The following ROBO2 variants were observed in gnomAD, a reference collection of about 807,000 sequenced individuals.
ROBO2 encodes the protein roundabout guidance receptor 2.
In ROBO2, 53 loss-of-function variants were observed where a neutral mutation model predicts 160.8. The ratio of observed to expected loss-of-function variants is 0.33; its 90% confidence interval spans 0.26 to 0.41. The LOEUF is 0.41. Among genes scored for constraint, ROBO2 ranks in the 10% least tolerant of loss-of-function variants. The pLI is 1.00. For synonymous variants in ROBO2, 664 were observed against 611.7 expected, an observed-to-expected ratio of 1.09 and a Z score of -1.26; for missense variants, 1,577 against 1,722.4, an observed-to-expected ratio of 0.92 and a Z score of 1.49.
intron 2 of ROBO2, among the ~76,000 whole-genome samples, chr3:76,126,018 G>A (rs1286930155): frequency 2.0e-5 from 3 of 151,952 alleles, no homozygotes; most frequent in Non-Finnish European, 4.4e-5. Flanking sequence ...GTAGAGACGA[G>A]GTTTCACCAT....
intron 2 of ROBO2, among the ~76,000 whole-genome samples, chr3:76,636,075 T>C (rs1356204884): frequency 1.3e-5 from 2 of 152,226 alleles, no homozygotes; most frequent in Non-Finnish European, 2.9e-5. Context: ...CATAAAATAA[T>C]AGTCACATGA....
chr3:77,016,841 G>C (rs1210741894), intron 2 of ROBO2, among the ~76,000 whole-genome samples: 3 of 152,150 alleles, frequency 2.0e-5, no homozygotes, highest in Non-Finnish European at 2.9e-5. Flanking sequence ...TATACAATAA[G>C]AGCAATTTTG....
chr3:76,098,110 ATG>A, intron 2 of ROBO2, among the ~76,000 whole-genome samples: 1 of 152,146 alleles, frequency 6.6e-6, no homozygotes, highest in Non-Finnish European at 1.5e-5. Context: ...CAGTGTCATC[ATG>A]TAGGTGTACG....
rs139436100 is a variant in ROBO2 at position 76,562,214 on chromosome 3, C to T, written c.110-535800C>T. 3.0e-3 allele frequency among the ~76,000 whole-genome samples: 459 copies of T among 151,628 alleles called. 3 individuals are homozygous for T. Among genetic ancestry groups the T allele is most frequent in the African/African-American group, 0.011 (451 of 41,338 alleles). ...TTAACTTCTCTGAGGCTTAGTTTCT[C>T]CATCTATAAAATGAGCATAATCTAA... On this transcript the variant is annotated intron_variant, in intron 2 of 26. Coordinates refer to the ROBO2 transcript ENST00000487694.
intron 2 of ROBO2, among the ~76,000 whole-genome samples, chr3:76,696,380 T>C (rs1160507442): frequency 1.1e-5 from 1 of 95,036 alleles, no homozygotes; most frequent in Non-Finnish European, 2.0e-5. Context: ...TAAATGGATC[T>C]CTTTTTTTTT....
chr3:76,842,162 G>A (rs1274305269), intron 2 of ROBO2, among the ~76,000 whole-genome samples: 2 of 152,124 alleles, frequency 1.3e-5, no homozygotes, highest in African/African-American at 4.8e-5. Context: ...CAATAGAGAA[G>A]GATCGAGAAA....
chr3:76,874,245 C>A (rs530272514), intron 2 of ROBO2, among the ~76,000 whole-genome samples: 1 of 152,048 alleles, frequency 6.6e-6, no homozygotes, highest in East Asian at 1.9e-4. Flanking sequence ...TTCCAACAAC[C>A]ATTAACTTTG....
intron 2 of ROBO2, among the ~76,000 whole-genome samples, chr3:76,738,255 G>A (rs923076253): frequency 1.3e-5 from 2 of 152,122 alleles, no homozygotes; most frequent in African/African-American, 4.8e-5. Context: ...GATAGGTAAG[G>A]CCTGATACTC....
chr3:76,831,169 C>G (rs549516654), intron 2 of ROBO2, among the ~76,000 whole-genome samples: 2 of 152,060 alleles, frequency 1.3e-5, no homozygotes, highest in Non-Finnish European at 2.9e-5. Context: ...CCAGAGATAA[C>G]GTTGTACATC....
intron 2 of ROBO2, among the ~76,000 whole-genome samples, chr3:77,358,000 C>A (rs1465707853): frequency 6.6e-6 from 1 of 152,106 alleles, no homozygotes; most frequent in African/African-American, 2.4e-5. Context: ...CAGGAAGATC[C>A]TGTTTAAAAT....
chr3:76,000,493 T>TA (rs1258235087), intron 2 of ROBO2, among the ~76,000 whole-genome samples: 3 of 148,294 alleles, frequency 2.0e-5, no homozygotes, highest in African/African-American at 7.4e-5. Flanking sequence ...GCGCTTATTT[T>TA]TTTTTTTTTT....
At chr3:76,811,835 TTCTTTCCTTCCTTCC>T (rs2065205166) in intron 2 of ROBO2, among the ~76,000 whole-genome samples, 21 of 45,510 alleles carry the variant, frequency 4.6e-4, no homozygotes, top group Admixed American at 2.0e-3. Context: ...CCTTCCTTCC[TTCTTTCCTTCCTTCC>T]TTCCTTCCTT....
At chr3:77,624,550 C>T (rs577445779) in intron 23 of ROBO2, among the ~76,000 whole-genome samples, 1 of 152,276 alleles carries the variant, frequency 6.6e-6, no homozygotes, top group African/African-American at 2.4e-5. Flanking sequence ...GAATGTTGTT[C>T]TAACATGCTT....
intron 2 of ROBO2, among the ~76,000 whole-genome samples, chr3:77,328,288 C>G (rs2065641389): frequency 6.6e-6 from 1 of 152,052 alleles, no homozygotes; most frequent in Non-Finnish European, 1.5e-5. Context: ...AGGAATTAAC[C>G]AAATGCTACC....
chr3:76,760,768 C>T (rs2061261384), intron 2 of ROBO2, among the ~76,000 whole-genome samples: 1 of 151,644 alleles, frequency 6.6e-6, no homozygotes, highest in Non-Finnish European at 1.5e-5. Flanking sequence ...TAGCTGATAA[C>T]AAACATGATA....
intron 2 of ROBO2, among the ~76,000 whole-genome samples, chr3:76,042,873 G>A (rs1387788156): frequency 1.3e-5 from 2 of 151,996 alleles, no homozygotes; most frequent in Non-Finnish European, 2.9e-5. Flanking sequence ...ACCCTTTCTT[G>A]TGAAATCTTC....
At chr3:76,952,832 A>G (rs1039609786) in intron 2 of ROBO2, among the ~76,000 whole-genome samples, 1 of 152,290 alleles carries the variant, frequency 6.6e-6, no homozygotes, top group South Asian at 2.1e-4. Flanking sequence ...TTCAGATTCT[A>G]TTTTAATTGT....
chr3:76,642,930 T>A (rs977623593), intron 2 of ROBO2, among the ~76,000 whole-genome samples: 4 of 152,138 alleles, frequency 2.6e-5, no homozygotes, highest in Non-Finnish European at 5.9e-5. Context: ...AAATAAATAA[T>A]GACAGACAGT....
chr3:76,359,020 G>T (rs2075348266), intron 2 of ROBO2, among the ~76,000 whole-genome samples: 1 of 149,198 alleles, frequency 6.7e-6, no homozygotes, highest in Non-Finnish European at 1.5e-5. Context: ...AGAACACGCG[G>T]TGTTTGGTTT....
Sources: allele counts gnomAD v4.1 joint callset (sites outside exome capture counted in the v4.1 genomes callset), GRCh38; gene constraint gnomAD v4.1.1; transcripts MANE v1.5; gene names NCBI Gene and HGNC (gene_info 2026-07-23, HGNC 2026-07-21).